NPLOC4: variants seen among roughly 807,000 people sequenced by gnomAD.
NPLOC4 encodes nuclear protein localization protein 4 homolog.
A neutral mutation model predicts 80.6 loss-of-function variants in NPLOC4; 18 were observed. The observed-to-expected ratio is 0.22, with a 90% CI of 0.15 to 0.33. The LOEUF (loss-of-function observed/expected upper bound fraction) is 0.33. NPLOC4 is among the 10% of genes least tolerant of loss of function. The pLI, the probability that NPLOC4 is intolerant of heterozygous loss-of-function variation, is 1.00. For missense variants in NPLOC4, 540 were observed against 786.1 expected (o/e 0.69, Z 3.74); for synonymous variants, 313 against 301.5 (o/e 1.04, Z -0.39).
intron 11 of NPLOC4, among the ~76,000 whole-genome samples, chr17:81,595,369 C>A (rs1306953881): frequency 6.9e-5 from 10 of 145,658 alleles, no homozygotes; most frequent in African/African-American, 2.5e-4. Flanking sequence ...AGGAGGCGGA[C>A]GTTGCAGTGA....
rs35549457 is a variant in NPLOC4, at chr17:81,634,447, G to GAA, written c.15+2467_15+2468dup. Among the ~76,000 whole-genome samples the GAA allele has an allele frequency of 4.1e-3, 620 of 150,310 alleles. 1 individual carries two copies. The highest frequency in any genetic ancestry group is 7.2e-3 in the Non-Finnish European group (485 of 67,496). ...AGAGCCTAGCCTTATACACTAGTGG[G>GAA]AAAAAAAAAATGGCCTTGTCTGAAA... On this transcript the variant is annotated intron_variant, in intron 1 of 16. Transcript: ENST00000331134.
chr17:81,634,153 T>C (rs1328080644), intron 1 of NPLOC4, among the ~76,000 whole-genome samples: 1 of 151,558 alleles, frequency 6.6e-6, no homozygotes, highest in African/African-American at 2.4e-5. Flanking sequence ...ATTACAAACG[T>C]GAGCCACCAC....
intron 12 of NPLOC4, among the ~76,000 whole-genome samples, chr17:81,585,879 C>T (rs965960614): frequency 2.0e-5 from 3 of 151,932 alleles, no homozygotes; most frequent in Non-Finnish European, 4.4e-5. Flanking sequence ...GTCCCAGCTA[C>T]GCGGGAGGCT....
intron 1 of NPLOC4, among the ~76,000 whole-genome samples, chr17:81,632,737 G>T (rs2035963602): frequency 6.6e-6 from 1 of 152,080 alleles, no homozygotes; most frequent in Non-Finnish European, 1.5e-5. Flanking sequence ...GTCTAAAAAA[G>T]ATTTCCACTG....
chr17:81,566,059 C>A (rs1458031935), intron 15 of NPLOC4, among the ~76,000 whole-genome samples: 1 of 152,192 alleles, frequency 6.6e-6, no homozygotes, highest in Non-Finnish European at 1.5e-5. Flanking sequence ...TAAGGATGGG[C>A]GCAGTGGCTC....
chr17:81,635,028 TA>T (rs530344529), intron 1 of NPLOC4, among the ~76,000 whole-genome samples: 5 of 151,972 alleles, frequency 3.3e-5, no homozygotes, highest in Non-Finnish European at 7.4e-5. Context: ...CTCATCTCTA[TA>T]AAAAAATGTT....
At chr17:81,581,508 T>C (rs187266806) in intron 12 of NPLOC4, among the ~76,000 whole-genome samples, 2 of 152,256 alleles carry the variant, frequency 1.3e-5, no homozygotes, top group Non-Finnish European at 2.9e-5. Context: ...GAATAAGCCC[T>C]GTGGACGCCC....
chr17:81,592,100 T>A (rs538060008), intron 11 of NPLOC4, among the ~76,000 whole-genome samples: 28 of 152,270 alleles, frequency 1.8e-4, no homozygotes, highest in Admixed American at 1.6e-3. Flanking sequence ...GAAGGACAGA[T>A]GCAGAGGGAG....
chr17:81,564,086 A>ACACACACACACACG, intron 16 of NPLOC4: 1 of 128,484 alleles, frequency 7.8e-6, no homozygotes, highest in Non-Finnish European at 1.3e-5. Flanking sequence ...AGCTCAAAAC[A>ACACACACACACACG]CACACACACA....
In NPLOC4 at chr17:81,580,663, C is replaced by A. The variant is rs902055340; in HGVS notation, c.1281+8281G>T. 1.3e-5 allele frequency among the ~76,000 whole-genome samples: 2 copies of A among 152,214 alleles called. No individual in the cohort carries two copies. Among genetic ancestry groups the A allele is most frequent in the East Asian group, 3.9e-4 (2 of 5,186 alleles). On this transcript the variant is annotated intron_variant, in intron 12 of 16. Coordinates refer to ENST00000331134, the MANE Select transcript of NPLOC4 (RefSeq NM_017921.4). The surrounding 1 kb of genome is among the most constrained non-coding windows in gnomAD (Gnocchi z 4.4). Reference sequence around the variant, plus strand: ...CCTCTCAGGACTCGACCCACCAGGGCACTCCAAGCTTCTCTACCCGTTCCG... The same window carrying A: ...CCTCTCAGGACTCGACCCACCAGGGAACTCCAAGCTTCTCTACCCGTTCCG...
At position 81,572,519 on chromosome 17, in the gene NPLOC4, T is replaced by C. The variant is rs146364607; in HGVS notation, c.1282-431A>G. ...ACTTTTTAAATTACTTCAAATCTTA[T>C]TGAAGTGTATGGATAGCAGAAAGGA... On this transcript the variant is annotated intron_variant, in intron 12 of 16. Transcript: ENST00000331134. This position sits in a 1 kb window ranked among gnomAD's most constrained non-coding sequence, Gnocchi z 4.5. Among the ~76,000 whole-genome samples, 840 of 152,304 alleles carry C rather than the reference T, an allele frequency of 5.5e-3. 11 individuals are homozygous for C. Among genetic ancestry groups the C allele is most frequent in the African/African-American group, 0.019 (790 of 41,566 alleles).
chr17:81,636,145 AT>A (rs1568174709), intron 1 of NPLOC4, among the ~76,000 whole-genome samples: 1 of 151,780 alleles, frequency 6.6e-6, no homozygotes, highest in African/African-American at 2.4e-5. Flanking sequence ...AATTTTTTGT[AT>A]TTTTAGTAGA....
chr17:81,628,342 G>A (rs1047583327), intron 2 of NPLOC4, among the ~76,000 whole-genome samples: 8 of 151,814 alleles, frequency 5.3e-5, no homozygotes, highest in Admixed American at 1.3e-4. Context: ...GTGAAACCCC[G>A]TCTCTACTAA....
chr17:81,627,175 G>A (rs906335457), intron 2 of NPLOC4, among the ~76,000 whole-genome samples: 1 of 151,672 alleles, frequency 6.6e-6, no homozygotes, highest in Admixed American at 6.6e-5. Context: ...CGGATCATGA[G>A]GTCAGGAGAT....
rs1388235796 is a variant in NPLOC4, at chr17:81,572,241, T to C, written c.1282-153A>G. ...TCTTGTGCTGTCGCCCAGGCTGGAA[T>C]GCAGTGGCGTGATCTCCACTCACTG... On this transcript the variant is annotated intron_variant, in intron 12 of 16. Transcript: ENST00000331134. The surrounding 1 kb of genome is among the most constrained non-coding windows in gnomAD (Gnocchi z 4.5). The C allele has an allele frequency of 6.7e-6, 2 of 300,572 alleles. No homozygotes were observed. The highest frequency in any genetic ancestry group is 5.1e-5 in the Admixed American group (1 of 19,728). The allele number at this position is 300,572 out of a possible 1,614,324, so 18.6% of individuals were successfully genotyped here.
chr17:81,622,794 G>T (rs8074214), intron 2 of NPLOC4, among the ~76,000 whole-genome samples: 1 of 151,974 alleles, frequency 6.6e-6, no homozygotes, highest in East Asian at 1.9e-4. Context: ...CAGGTGATCC[G>T]CCCACCTTGG....
intron 11 of NPLOC4, among the ~76,000 whole-genome samples, chr17:81,589,497 C>T (rs1221985972): frequency 8.0e-5 from 12 of 150,758 alleles, no homozygotes; most frequent in African/African-American, 2.9e-4. Context: ...GAGATTGTGC[C>T]GCTGCACTCC....
chr17:81,600,252 C>G (rs760335706), intron 9 of NPLOC4, 89 bp downstream of exon 9: 1 of 882,138 alleles, frequency 1.1e-6, no homozygotes, highest in Non-Finnish European at 1.8e-6. Flanking sequence ...GTACCCGACA[C>G]AGCCCGGCCA....
intron 16 of NPLOC4, among the ~76,000 whole-genome samples, chr17:81,559,954 C>G (rs1394747788): frequency 6.6e-6 from 1 of 150,442 alleles, no homozygotes; most frequent in Non-Finnish European, 1.5e-5. Context: ...AGGCTGGTCT[C>G]GAACTCCTGA....
Sources: allele counts gnomAD v4.1 joint callset (sites outside exome capture counted in the v4.1 genomes callset), GRCh38; gene constraint gnomAD v4.1.1; non-coding constraint Gnocchi (gnomAD v3.1); transcripts MANE v1.5; gene names NCBI Gene and HGNC (gene_info 2026-07-23, HGNC 2026-07-21).